The following LARGE1 variants were observed in gnomAD, a reference collection of about 807,000 sequenced individuals.
The protein encoded by LARGE1 is LARGE xylosyl- and glucuronyltransferase 1.
LARGE1 carries 43 observed loss-of-function variants against 87.6 expected under a neutral mutation model. That is an observed-to-expected ratio of 0.49 (90% CI 0.38 to 0.63). The LOEUF is 0.63. Among genes scored for constraint, LARGE1 ranks in the 30% least tolerant of loss-of-function variants. The probability of loss-of-function intolerance (pLI) is 0.00; values close to 1 mark genes in which losing one functional copy is unlikely to be tolerated. For synonymous variants in LARGE1, 434 were observed against 394.6 expected (o/e 1.10, Z -1.18); for missense variants, 802 against 1,000.2 (o/e 0.80, Z 2.67).
At chr22:33,133,808 C>A in the LARGE1 span, among the ~76,000 whole-genome samples, 1 of 146,404 alleles carries the variant, frequency 6.8e-6, no homozygotes, top group African/African-American at 2.5e-5. Context: ...AGTGTAAAAG[C>A]ATTCCTATTT....
the LARGE1 span, among the ~76,000 whole-genome samples, chr22:33,154,686 G>C: frequency 6.6e-6 from 1 of 151,782 alleles, no homozygotes; most frequent in Non-Finnish European, 1.5e-5. Context: ...TAATAAGTTA[G>C]TCTTTTTTTT....
At chr22:33,695,466 T>C (rs1603182705) in intron 2 of LARGE1, among the ~76,000 whole-genome samples, 1 of 152,142 alleles carries the variant, frequency 6.6e-6, no homozygotes, top group African/African-American at 2.4e-5. Context: ...TTCAGATTTT[T>C]CCCTAATATT....
intron 5 of LARGE1, among the ~76,000 whole-genome samples, chr22:33,575,149 T>G (rs2078316555): frequency 6.6e-6 from 1 of 152,142 alleles, no homozygotes; most frequent in African/African-American, 2.4e-5. Flanking sequence ...TAGATTACCC[T>G]CTAAGAAACA....
At chr22:33,113,498 C>T in the LARGE1 span, among the ~76,000 whole-genome samples, 1 of 152,242 alleles carries the variant, frequency 6.6e-6, no homozygotes, top group Non-Finnish European at 1.5e-5. Context: ...TGAGCCACTG[C>T]ACCCAGCCGT....
At chr22:33,889,075 T>A (rs1217562723) in intron 1 of LARGE1, 1 of 152,178 alleles carries the variant, frequency 6.6e-6, no homozygotes, top group African/African-American at 2.4e-5. Context: ...AAGCATATAC[T>A]GTAATCTGAA....
At chr22:33,417,000 G>A (rs934667955) in intron 7 of LARGE1, among the ~76,000 whole-genome samples, 9 of 143,232 alleles carry the variant, frequency 6.3e-5, no homozygotes, top group East Asian at 2.1e-4. Flanking sequence ...TCCGCCTCCC[G>A]GGTTCAAGCG....
At chr22:33,633,768 G>A (rs1254115339) in intron 3 of LARGE1, among the ~76,000 whole-genome samples, 1 of 152,216 alleles carries the variant, frequency 6.6e-6, no homozygotes, top group Non-Finnish European at 1.5e-5. Context: ...GGTAGCTGCA[G>A]ACTTTTGGTG....
Position 33,283,217 on chromosome 22 carries a change from G to T in LARGE1, c.1862C>A (p.Thr621Asn). 1.9e-6 allele frequency: 3 copies of T among 1,614,192 alleles called. No homozygotes were observed. The highest frequency in any genetic ancestry group is 2.5e-6 in the Non-Finnish European group (3 of 1,180,044). ...AGCCACTCACCTGAATGTGAAGAGG[G>T]TCCCCATGTCCAGCATTGACAGCAA... ...AELLSMLDMG[T>N]LFTFRYHVWT... Residue 621 changes from threonine to asparagine, a missense_variant, in exon 13 of 15, where the codon ACC becomes AAC. This residue lies in a region of LARGE1 where 625 missense variants were observed against 841.9 expected (regional missense o/e 0.74). Coordinates refer to ENST00000397394, the MANE Select transcript of LARGE1 (RefSeq NM_133642.5).
At chr22:33,668,522 T>C (rs963263528) in intron 2 of LARGE1, among the ~76,000 whole-genome samples, 2 of 152,270 alleles carry the variant, frequency 1.3e-5, no homozygotes, top group African/African-American at 4.8e-5. Context: ...CTGTAAAGTA[T>C]GGGTGCTTCT....
At chr22:33,688,816 A>C (rs1467635970) in intron 2 of LARGE1, among the ~76,000 whole-genome samples, 2 of 151,870 alleles carry the variant, frequency 1.3e-5, no homozygotes, top group Non-Finnish European at 2.9e-5. Flanking sequence ...ATCCTGACCA[A>C]CTGTGCTGTC....
At chr22:33,895,263 A>C (rs1191724703) in intron 1 of LARGE1, among the ~76,000 whole-genome samples, 2 of 152,236 alleles carry the variant, frequency 1.3e-5, no homozygotes, top group African/African-American at 4.8e-5. Flanking sequence ...GCCCACTCAC[A>C]GAGGACAAGA....
chr22:33,716,655 C>T (rs1031091366), intron 2 of LARGE1, among the ~76,000 whole-genome samples: 25 of 152,200 alleles, frequency 1.6e-4, no homozygotes, highest in African/African-American at 5.8e-4. Context: ...CTGCCTCGGC[C>T]TCCCCAAGCG....
the LARGE1 span, among the ~76,000 whole-genome samples, chr22:33,111,051 C>A: frequency 6.6e-6 from 1 of 152,112 alleles, no homozygotes; most frequent in Non-Finnish European, 1.5e-5. Context: ...GGGCCCAAGA[C>A]AGATAAAAGA....
At chr22:33,407,648 C>T (rs1394995441) in intron 7 of LARGE1, among the ~76,000 whole-genome samples, 1 of 150,796 alleles carries the variant, frequency 6.6e-6, no homozygotes, top group Non-Finnish European at 1.5e-5. Context: ...GTTATTATTC[C>T]TATTCACTAG....
intron 6 of LARGE1, among the ~76,000 whole-genome samples, chr22:33,451,105 A>G (rs1161132851): frequency 1.3e-5 from 2 of 152,218 alleles, no homozygotes; most frequent in Non-Finnish European, 2.9e-5. Context: ...TACAATGGCC[A>G]GCTAGTGGTC....
intron 6 of LARGE1, among the ~76,000 whole-genome samples, chr22:33,450,630 A>T (rs796556069): frequency 5.7e-5 from 4 of 70,322 alleles, no homozygotes; most frequent in African/African-American, 1.6e-4. Flanking sequence ...TAAATAAATA[A>T]ATAAATAAAT....
At chr22:33,456,505 G>T (rs2068137079) in intron 6 of LARGE1, among the ~76,000 whole-genome samples, 1 of 152,184 alleles carries the variant, frequency 6.6e-6, no homozygotes, top group Non-Finnish European at 1.5e-5. Flanking sequence ...ATGGAATAAG[G>T]CTAAACATCT....
At chr22:33,471,335 C>T (rs1233767337) in intron 6 of LARGE1, among the ~76,000 whole-genome samples, 2 of 151,944 alleles carry the variant, frequency 1.3e-5, no homozygotes, top group Non-Finnish European at 2.9e-5. Flanking sequence ...TGAGCCACCA[C>T]ACTCAGCCCA....
At chr22:33,303,275 G>A (rs914130734) in intron 12 of LARGE1, among the ~76,000 whole-genome samples, 1 of 152,206 alleles carries the variant, frequency 6.6e-6, no homozygotes, top group African/African-American at 2.4e-5. Context: ...AGAAGCAGTT[G>A]TCATGGTGCT....
Sources: allele counts gnomAD v4.1 joint callset (sites outside exome capture counted in the v4.1 genomes callset), GRCh38; gene constraint gnomAD v4.1.1; regional missense constraint gnomAD v4.1.1; transcripts MANE v1.5; gene names NCBI Gene and HGNC (gene_info 2026-07-23, HGNC 2026-07-21).